The following NSUN7 variants were observed in gnomAD, a reference collection of about 807,000 sequenced individuals.
NSUN7 encodes protein NSUN7.
In NSUN7, 39 loss-of-function variants were observed where a neutral mutation model predicts 58.5. The ratio of observed to expected loss-of-function variants is 0.67; its 90% CI spans 0.52 to 0.87. The LOEUF is 0.87. Ranked by LOEUF, NSUN7 falls within the 40% of genes least tolerant of loss-of-function variation. The pLI is 0.00. For synonymous variants in NSUN7, 278 were observed against 303.7 expected (o/e 0.92, Z 0.88); for missense variants, 765 against 844.1 (o/e 0.91, Z 1.16).
chr4:40,771,100 A>AT (rs957434289), intron 4 of NSUN7, among the ~76,000 whole-genome samples: 4 of 152,114 alleles, frequency 2.6e-5, no homozygotes, highest in Non-Finnish European at 4.4e-5. Flanking sequence ...AGTTAAGATG[A>AT]TTTTTTGCAA....
chr4:40,790,555 A>G (rs1217756115), intron 7 of NSUN7, 47 bp from the exon 8 acceptor site: 3 of 1,252,044 alleles, frequency 2.4e-6, no homozygotes, highest in African/African-American at 1.5e-5. Flanking sequence ...CTACATTAAG[A>G]TTTTTCATTA....
chr4:40,761,033 T>C (rs1273170546), intron 3 of NSUN7, 138 bp from the exon 4 acceptor site: 24 of 648,580 alleles, frequency 3.7e-5, no homozygotes, highest in Middle Eastern at 4.3e-4. Context: ...TTGAAGACCT[T>C]CCCAATCCAA....
intron 10 of NSUN7, among the ~76,000 whole-genome samples, chr4:40,801,055 G>A (rs867557087): frequency 2.1e-5 from 3 of 140,990 alleles, no homozygotes; most frequent in Non-Finnish European, 4.7e-5. Context: ...AAGGGAGGGA[G>A]GAAAGAAGGG....
chr4:40,756,001 G>T (rs1172374415), intron 2 of NSUN7, among the ~76,000 whole-genome samples: 2 of 152,140 alleles, frequency 1.3e-5, no homozygotes, highest in Non-Finnish European at 2.9e-5. Context: ...TGTAGACAAG[G>T]TGCAGTCGTG....
intron 2 of NSUN7, among the ~76,000 whole-genome samples, chr4:40,754,101 T>C (rs1472166761): frequency 2.0e-5 from 3 of 152,092 alleles, no homozygotes; most frequent in Admixed American, 6.6e-5. Context: ...AAATCAGAAT[T>C]TTATGTAGTG....
At chr4:40,774,467 A>AAT (rs1742170886) in intron 5 of NSUN7, 50 bp downstream of exon 5, 3 of 1,564,132 alleles carry the variant, frequency 1.9e-6, no homozygotes, top group Non-Finnish European at 2.6e-6. Context: ...ATCCTTTTAA[A>AAT]ATAATGTGAT....
chr4:40,758,617 G>T (rs1741289319), intron 2 of NSUN7, among the ~76,000 whole-genome samples: 1 of 151,918 alleles, frequency 6.6e-6, no homozygotes, highest in African/African-American at 2.4e-5. Context: ...TTGAGGCCAG[G>T]AGTTTGAGAC....
At chr4:40,807,780 G>T (rs1297862011) in intron 11 of NSUN7, among the ~76,000 whole-genome samples, 1 of 152,032 alleles carries the variant, frequency 6.6e-6, no homozygotes, top group Non-Finnish European at 1.5e-5. Context: ...GGGGGCTCAA[G>T]CCTGTAAGCC....
intron 4 of NSUN7, 24 bp from the exon 5 acceptor site, chr4:40,774,241 T>C: frequency 6.2e-7 from 1 of 1,610,928 alleles, no homozygotes. Flanking sequence ...TGCAATAGAT[T>C]AAGGATGGAT....
In NSUN7 at chr4:40,792,308, A is replaced by G. The variant is rs1743105139; in HGVS notation, c.1180+1563A>G. Among the ~76,000 whole-genome samples the G allele has an allele frequency of 2.6e-5, 4 of 152,320 alleles. No homozygotes were observed. In the South Asian group the frequency reaches 6.2e-4, roughly 24 times the overall value. On this transcript the variant is annotated intron_variant, in intron 8 of 11. Coordinates refer to ENST00000381782, the MANE Select transcript of NSUN7 (RefSeq NM_024677.6). ...TTTGAGGTGGAAATCCAGAAAAAAAATAAACCACAGAATAAAAATAAACTA... is the reference window on the plus strand; with the variant it reads ...TTTGAGGTGGAAATCCAGAAAAAAAGTAAACCACAGAATAAAAATAAACTA...
At position 40,808,899 on chromosome 4, in the gene NSUN7, C is replaced by T. The variant is rs1469518448; in HGVS notation, c.2117C>T (p.Thr706Ile). ...SRKEEKPKDDTPSSLLRPPRR... is the reference protein window; with the variant it reads ...SRKEEKPKDDIPSSLLRPPRR... Reference sequence around the variant, plus strand: ...AAAGAGGAAAAGCCTAAAGATGACACACCTTCCTCCCTACTCAGGCCTCCT... The same window carrying T: ...AAAGAGGAAAAGCCTAAAGATGACATACCTTCCTCCCTACTCAGGCCTCCT... Residue 706 changes from threonine to isoleucine, a missense_variant, in exon 12 of 12, where the codon ACA becomes ATA. Coordinates refer to ENST00000381782, the MANE Select transcript of NSUN7 (RefSeq NM_024677.6). The T allele has an allele frequency of 1.9e-6, 3 of 1,541,480 alleles. No individual in the cohort carries two copies. In the East Asian group the frequency reaches 7.3e-5, roughly 38 times the overall value.
intron 8 of NSUN7, among the ~76,000 whole-genome samples, chr4:40,792,737 A>T (rs994653045): frequency 2.9e-4 from 43 of 148,788 alleles, no homozygotes; most frequent in Non-Finnish European, 5.6e-4. Context: ...GGGCGACAGC[A>T]AGACTCCATC....
intron 7 of NSUN7, among the ~76,000 whole-genome samples, chr4:40,790,394 A>T (rs1743024244): frequency 6.6e-6 from 1 of 152,224 alleles, no homozygotes; most frequent in African/African-American, 2.4e-5. Flanking sequence ...ACATCATTTC[A>T]GGTGAAGGAG....
At chr4:40,777,369 G>GT (rs1201511737) in intron 7 of NSUN7, among the ~76,000 whole-genome samples, 3 of 151,658 alleles carry the variant, frequency 2.0e-5, no homozygotes, top group Non-Finnish European at 4.4e-5. Context: ...TCTCCCTCTT[G>GT]TTGCCCAGGC....
chr4:40,801,901 CAAAAAAAAA>C (rs56868885), intron 10 of NSUN7, among the ~76,000 whole-genome samples: 1 of 107,410 alleles, frequency 9.3e-6, no homozygotes, highest in Non-Finnish European at 2.0e-5. Flanking sequence ...GACTCTGTCT[CAAAAAAAAA>C]AAAAAAAAAG....
At chr4:40,756,236 C>A (rs796097853) in intron 2 of NSUN7, among the ~76,000 whole-genome samples, 41 of 152,352 alleles carry the variant, frequency 2.7e-4, no homozygotes, top group African/African-American at 9.4e-4. Context: ...AGAGATACCC[C>A]AGTTCCTTCT....
chr4:40,796,407 A>G (rs1743326410), intron 9 of NSUN7, among the ~76,000 whole-genome samples: 1 of 152,108 alleles, frequency 6.6e-6, no homozygotes, highest in Non-Finnish European at 1.5e-5. Context: ...TGGGAGGTCA[A>G]CATGGTAGGA....
intron 4 of NSUN7, among the ~76,000 whole-genome samples, chr4:40,772,669 A>G (rs944829113): frequency 1.3e-5 from 2 of 152,210 alleles, no homozygotes; most frequent in Non-Finnish European, 2.9e-5. Context: ...GAAAAGAAGT[A>G]GGGATTTAAC....
At chr4:40,758,452 C>T (rs773839477) in intron 2 of NSUN7, among the ~76,000 whole-genome samples, 24 of 152,070 alleles carry the variant, frequency 1.6e-4, no homozygotes, top group Non-Finnish European at 2.5e-4. Flanking sequence ...ATGTGGATAA[C>T]GAGTCCCAGA....
Sources: gnomAD v4.1 joint callset for allele counts (sites outside exome capture counted in the v4.1 genomes callset) on GRCh38, gnomAD v4.1.1 for gene constraint, MANE v1.5 for transcripts, NCBI Gene and HGNC (gene_info 2026-07-23, HGNC 2026-07-21) for gene names.